The following MPRIP variants were observed in gnomAD, a reference collection of about 807,000 sequenced individuals.
MPRIP encodes the protein myosin phosphatase Rho-interacting protein.
A neutral mutation model predicts 234.9 loss-of-function variants in MPRIP; 59 were observed. That is an observed-to-expected ratio of 0.25 (90% CI 0.20 to 0.31). The LOEUF (loss-of-function observed/expected upper bound fraction) is 0.31. MPRIP is among the 10% of genes least tolerant of loss of function. The pLI is 1.00. For missense variants in MPRIP, 2,436 were observed against 3,071.0 expected, an observed-to-expected ratio of 0.79 and a Z score of 4.89; for synonymous variants, 1,144 against 1,263.9, an observed-to-expected ratio of 0.91 and a Z score of 2.01.
chr17:17,162,300 C>T (rs892921824), intron 15 of MPRIP, among the ~76,000 whole-genome samples: 4 of 152,222 alleles, frequency 2.6e-5, no homozygotes, highest in Non-Finnish European at 4.4e-5. Flanking sequence ...AGGGCCCTTC[C>T]GGCTCTTAGA....
chr17:17,130,004 G>C (rs1426487158), intron 4 of MPRIP, among the ~76,000 whole-genome samples: 1 of 152,210 alleles, frequency 6.6e-6, no homozygotes, highest in Admixed American at 6.5e-5. Flanking sequence ...CCAGGGAGGA[G>C]AGGGGCTCAG....
chr17:17,084,910 G>A (rs2089551222), intron 3 of MPRIP, among the ~76,000 whole-genome samples: 1 of 152,244 alleles, frequency 6.6e-6, no homozygotes, highest in South Asian at 2.1e-4. Flanking sequence ...CATAGAGCCT[G>A]TAACTGTCTG....
intron 1 of MPRIP, among the ~76,000 whole-genome samples, chr17:17,066,113 A>G (rs889734761): frequency 7.2e-5 from 11 of 152,268 alleles, no homozygotes; most frequent in Admixed American, 3.9e-4. Context: ...GTTTTGATCT[A>G]TATGCCTTTT....
At chr17:17,160,396 C>T (rs2045837205) in intron 14 of MPRIP, among the ~76,000 whole-genome samples, 1 of 152,166 alleles carries the variant, frequency 6.6e-6, no homozygotes. Context: ...GGGGTCTCCC[C>T]GCCTCTCACA....
At chr17:17,060,851 C>T (rs936379831) in intron 1 of MPRIP, among the ~76,000 whole-genome samples, 2 of 152,204 alleles carry the variant, frequency 1.3e-5, no homozygotes, top group African/African-American at 4.8e-5. Context: ...AGTTTGGGTC[C>T]ACAACTGTGT....
chr17:17,046,552 A>G (rs1484348230), intron 1 of MPRIP, among the ~76,000 whole-genome samples: 1 of 152,162 alleles, frequency 6.6e-6, no homozygotes, highest in Non-Finnish European at 1.5e-5. Context: ...TAATTCTCTA[A>G]TAATTTTCCT....
rs7223583 is a variant in MPRIP, at chr17:17,064,666, C to G, written c.124-11044C>G. ...TACAACCTGGAACCTTTGAGATTGGCTTTTTTCACCTAGAATTCTCTGGCT... is the reference window on the plus strand; with the variant it reads ...TACAACCTGGAACCTTTGAGATTGGGTTTTTTCACCTAGAATTCTCTGGCT... On this transcript the variant is annotated intron_variant, in intron 1 of 23. Transcript: ENST00000651222. Among the ~76,000 whole-genome samples the G allele has an allele frequency of 2.8e-4, 43 of 152,198 alleles. No individual in the cohort carries two copies. The South Asian group carries it at 8.7e-3, about 31-fold the overall frequency.
intron 2 of MPRIP, among the ~76,000 whole-genome samples, chr17:17,076,767 A>T (rs564031895): frequency 6.6e-6 from 1 of 152,242 alleles, no homozygotes; most frequent in East Asian, 1.9e-4. Context: ...TCCAGGGAGT[A>T]GTTCCCTTTC....
At chr17:17,172,485 A>C (rs1325003074) in intron 17 of MPRIP, among the ~76,000 whole-genome samples, 1 of 152,112 alleles carries the variant, frequency 6.6e-6, no homozygotes, top group Non-Finnish European at 1.5e-5. Context: ...CATTCCTTCC[A>C]GGGGGAGTTC....
Position 17,126,810 on chromosome 17 carries a change from A to G in MPRIP, c.376A>G (p.Lys126Glu), listed in dbSNP as rs1290318611. The G allele has an allele frequency of 6.2e-7, 1 of 1,614,160 alleles. No homozygotes were observed. The highest frequency in any genetic ancestry group is 8.5e-7 in the Non-Finnish European group (1 of 1,180,006). ...CTCCCTGTGTATTCTGACGCCTGAG[A>G]AGGAGCATTTCATCCGGGCGGAGAC... ...KFSLCILTPE[K>E]EHFIRAETKE... The change falls in exon 4 of 24, where the codon AAG (lysine) becomes GAG (glutamate). Residue 126 changes from lysine to glutamate, a missense_variant. Physicochemically the swap from Lys to Glu is moderately conservative, Grantham distance 56. Coordinates refer to ENST00000651222, the MANE Select transcript of MPRIP (RefSeq NM_001364716.4).
At position 17,165,234 on chromosome 17, in the gene MPRIP, A is replaced by G; in HGVS notation, c.3643A>G (p.Ile1215Val). ...AATTAAGCTCCAGGCAAAAGAAGAG[A>G]TTTTAAGGAAATTTGCAAGTGAATC... ...TEIKLQAKEE[I>V]LRKFASESPK... is the part of the protein sequence containing the mutation. The change falls in exon 16 of 24, where the codon ATT becomes GTT. Residue 1215 changes from isoleucine (I) to valine (V), a missense_variant. Ile to Val is a conservative substitution (Grantham distance 29). Transcript: ENST00000651222. The G allele has an allele frequency of 1.5e-6, 2 of 1,304,120 alleles. No individual in the cohort carries two copies. Among genetic ancestry groups the G allele is most frequent in the Non-Finnish European group, 2.0e-6 (2 of 988,974 alleles). The allele number at this position is 1,304,120 out of a possible 1,614,324, so 80.8% of individuals were successfully genotyped here.
intron 1 of MPRIP, among the ~76,000 whole-genome samples, chr17:17,046,331 A>G (rs895490490): frequency 2.6e-5 from 4 of 152,276 alleles, no homozygotes; most frequent in South Asian, 2.1e-4. Context: ...TGTTACATAC[A>G]GTGAATGTTT....
rs118181847 is a variant in MPRIP, at chr17:17,088,226, G to A, written c.267+10150G>A. Among the ~76,000 whole-genome samples the A allele has an allele frequency of 9.8e-5, 15 of 152,330 alleles. No individual in the cohort carries two copies. In the South Asian group the frequency reaches 1.2e-3, roughly 13 times the overall value. On this transcript the variant is annotated intron_variant, in intron 3 of 23. Coordinates refer to ENST00000651222, the MANE Select transcript of MPRIP (RefSeq NM_001364716.4). ...AAGGGGTTTCTGTGGCCCACACCCCGCACTGGGGAGGCAGCCAGGAAGATG... is the reference window on the plus strand; with the variant it reads ...AAGGGGTTTCTGTGGCCCACACCCCACACTGGGGAGGCAGCCAGGAAGATG...
At chr17:17,113,336 A>G (rs1005154931) in intron 3 of MPRIP, among the ~76,000 whole-genome samples, 2 of 152,222 alleles carry the variant, frequency 1.3e-5, no homozygotes, top group Admixed American at 1.3e-4. Context: ...GGCAACCACC[A>G]TTCTACTCTC....
At position 17,113,619 on chromosome 17, in the gene MPRIP, A is replaced by G. The variant is rs8068067; in HGVS notation, c.268-13083A>G. Among the ~76,000 whole-genome samples, 1,170 of 152,302 alleles carry G rather than the reference A, an allele frequency of 7.7e-3. 16 individuals carry two copies. The highest frequency in any genetic ancestry group is 0.026 in the African/African-American group (1,098 of 41,550). ...TGCCATGGTACGTGGGTGTACAAAT[A>G]TCTGTTCGAGTCCCTGTGTTCAGTT... On this transcript the variant is annotated intron_variant, in intron 3 of 23. Transcript: ENST00000651222.
In MPRIP at chr17:17,075,691, C is replaced by T. The variant is rs1348059944; in HGVS notation, c.124-19C>T. ...GGGTTGAAGGCTGCTGGTGACCTGC[C>T]CTCTTTTTTCTCCTCTAGGCAAAAC... On this transcript the variant is annotated intron_variant, in intron 1 of 23. Transcript: ENST00000651222. 1.2e-6 allele frequency: 2 copies of T among 1,612,232 alleles called. No homozygotes were observed. The highest frequency in any genetic ancestry group is 1.7e-6 in the Non-Finnish European group (2 of 1,178,382).
Position 17,064,818 on chromosome 17 carries a change from A to G in MPRIP, c.124-10892A>G, listed in dbSNP as rs528904677. Among the ~76,000 whole-genome samples the G allele has an allele frequency of 4.6e-5, 7 of 152,316 alleles. No homozygotes were observed. The East Asian group carries it at 1.4e-3, about 29-fold the overall frequency. ...TGCTACGAACAAAGCTGCTATAACC[A>G]TTCACATGTAGTTTTTGTGTGAGTG... On this transcript the variant is annotated intron_variant, in intron 1 of 23. Transcript: ENST00000651222.
chr17:17,088,314 C>T (rs984122330), intron 3 of MPRIP, among the ~76,000 whole-genome samples: 2 of 152,250 alleles, frequency 1.3e-5, no homozygotes, highest in Admixed American at 1.3e-4. Flanking sequence ...TCTGCAGCAG[C>T]TGTGACGGTA....
intron 3 of MPRIP, among the ~76,000 whole-genome samples, chr17:17,109,333 T>C (rs1368398007): frequency 1.3e-5 from 2 of 152,200 alleles, no homozygotes; most frequent in Non-Finnish European, 2.9e-5. Flanking sequence ...GAGCCATACA[T>C]AGGCTCTGTG....
Sources: allele counts gnomAD v4.1 joint callset (sites outside exome capture counted in the v4.1 genomes callset), GRCh38; gene constraint gnomAD v4.1.1; transcripts MANE v1.5; gene names NCBI Gene and HGNC (gene_info 2026-07-23, HGNC 2026-07-21).